Variants in SLC4A10 observed in about 807,000 individuals in gnomAD.
SLC4A10 encodes sodium-driven chloride bicarbonate exchanger.
Under a neutral mutation model 137.7 loss-of-function variants are expected in SLC4A10, and 42 were observed. That is an observed-to-expected ratio of 0.30 (90% CI 0.24 to 0.39). The LOEUF is 0.39. Ranked by LOEUF, SLC4A10 falls within the 10% of genes least tolerant of loss-of-function variation. The probability of loss-of-function intolerance (pLI) is 1.00; values close to 1 mark genes in which losing one functional copy is unlikely to be tolerated. For synonymous variants in SLC4A10, 474 were observed against 464.1 expected, an observed-to-expected ratio of 1.02 and a Z score of -0.27; for missense variants, 925 against 1,355.0, an observed-to-expected ratio of 0.68 and a Z score of 4.98.
At chr2:161,897,273 T>C (rs1441150499) in intron 11 of SLC4A10, among the ~76,000 whole-genome samples, 1 of 152,126 alleles carries the variant, frequency 6.6e-6, no homozygotes, top group Admixed American at 6.6e-5. Context: ...ACCAAATATT[T>C]GTTAAGCTCA....
At chr2:161,876,728 G>T (rs1178047535) in intron 8 of SLC4A10, among the ~76,000 whole-genome samples, 1 of 152,070 alleles carries the variant, frequency 6.6e-6, no homozygotes, top group African/African-American at 2.4e-5. Context: ...TGTCAAATAA[G>T]TTTCTTCATG....
At chr2:161,676,010 A>G (rs1158463) in intron 1 of SLC4A10, among the ~76,000 whole-genome samples, 139,564 of 152,218 alleles carry the variant, frequency 0.92, 64,068 homozygotes, top group East Asian at 1. Context: ...CTTGGAAAAC[A>G]CCATTTATGC....
At chr2:161,685,299 G>A (rs2041263329) in intron 1 of SLC4A10, among the ~76,000 whole-genome samples, 1 of 152,056 alleles carries the variant, frequency 6.6e-6, no homozygotes, top group African/African-American at 2.4e-5. Flanking sequence ...GAGGTATGTT[G>A]CCATTACCAT....
chr2:161,866,495 T>G (rs2060760212), intron 6 of SLC4A10, among the ~76,000 whole-genome samples: 1 of 152,016 alleles, frequency 6.6e-6, no homozygotes, highest in South Asian at 2.1e-4. Context: ...CCATGCTGTG[T>G]TTAACTTTCA....
intron 3 of SLC4A10, among the ~76,000 whole-genome samples, chr2:161,834,405 G>C (rs2058630616): frequency 6.6e-6 from 1 of 152,092 alleles, no homozygotes; most frequent in South Asian, 2.1e-4. Flanking sequence ...TGAAATTATA[G>C]CTACCGGAAT....
chr2:161,821,780 T>G (rs1402309173), intron 3 of SLC4A10, among the ~76,000 whole-genome samples: 1 of 151,708 alleles, frequency 6.6e-6, no homozygotes, highest in African/African-American at 2.4e-5. Flanking sequence ...TATTGAAACA[T>G]AATCTTAATC....
intron 3 of SLC4A10, among the ~76,000 whole-genome samples, chr2:161,810,888 G>A (rs1232568732): frequency 6.6e-6 from 1 of 151,960 alleles, no homozygotes; most frequent in South Asian, 2.1e-4. Context: ...TAATATGTTA[G>A]TGAGAAGCCT....
rs563255155 is a variant in SLC4A10 at position 161,833,767 on chromosome 2, T to A, written c.278-6022T>A. On this transcript the variant is annotated intron_variant, in intron 3 of 26. Transcript: ENST00000446997. ...CCAAAGCCATACAACAATTGGCTGA[T>A]AATCAAGGTATGTGATAGACCTTCC... 4.6e-5 allele frequency among the ~76,000 whole-genome samples: 7 copies of A among 152,354 alleles called. No individual in the cohort carries two copies. In the South Asian group the frequency reaches 1.2e-3, roughly 27 times the overall value.
chr2:161,785,177 G>A (rs747557884), intron 2 of SLC4A10, among the ~76,000 whole-genome samples: 5 of 151,444 alleles, frequency 3.3e-5, no homozygotes, highest in African/African-American at 7.3e-5. Context: ...TACCAAACAC[G>A]AAACAAGAAG....
Position 161,851,327 on chromosome 2 carries a change from A to T in SLC4A10, c.417-3643A>T, listed in dbSNP as rs76315083. On this transcript the variant is annotated intron_variant, in intron 4 of 26. Coordinates refer to ENST00000446997, the MANE Select transcript of SLC4A10 (RefSeq NM_001178015.2). ...CAGTAGGGTGTTGAAGTCTTCCATGATTATATTGCCATTATCTAAGTCTCT... is the reference window on the plus strand; with the variant it reads ...CAGTAGGGTGTTGAAGTCTTCCATGTTTATATTGCCATTATCTAAGTCTCT... Among the ~76,000 whole-genome samples, 1,171 of 152,242 alleles carry T rather than the reference A, an allele frequency of 7.7e-3. 58 individuals carry two copies. The East Asian group carries it at 0.13, about 17-fold the overall frequency.
chr2:161,694,617 C>T, intron 1 of SLC4A10, among the ~76,000 whole-genome samples: 1 of 151,946 alleles, frequency 6.6e-6, no homozygotes, highest in East Asian at 1.9e-4. Context: ...AAGGGCATAA[C>T]AAACTATTAT....
chr2:161,843,444 T>C (rs2059310283), intron 4 of SLC4A10, among the ~76,000 whole-genome samples: 1 of 152,164 alleles, frequency 6.6e-6, no homozygotes, highest in African/African-American at 2.4e-5. Context: ...TAGCCAAGCT[T>C]CTAGAATCTA....
chr2:161,699,423 A>G (rs1245439233), intron 1 of SLC4A10, among the ~76,000 whole-genome samples: 2 of 152,136 alleles, frequency 1.3e-5, no homozygotes, highest in African/African-American at 4.8e-5. Flanking sequence ...ATATGTTTTG[A>G]GTTTTGAAAT....
intron 23 of SLC4A10, among the ~76,000 whole-genome samples, chr2:161,966,219 C>A (rs1222356444): frequency 2.0e-5 from 3 of 152,008 alleles, no homozygotes; most frequent in Admixed American, 2.0e-4. Context: ...ATTGGTAATT[C>A]CCTTACTCTA....
chr2:161,707,653 G>T (rs2043833058), intron 1 of SLC4A10, among the ~76,000 whole-genome samples: 10 of 151,312 alleles, frequency 6.6e-5, no homozygotes, highest in Admixed American at 6.0e-4. Context: ...TAATAAATAA[G>T]ACACAGTGAA....
chr2:161,695,917 TA>T (rs1363159024), intron 1 of SLC4A10, among the ~76,000 whole-genome samples: 5 of 152,194 alleles, frequency 3.3e-5, no homozygotes, highest in Admixed American at 6.5e-5. Flanking sequence ...TTTTCTTTTT[TA>T]TTTTTTTATT....
At chr2:161,971,452 A>G (rs1245764094) in intron 23 of SLC4A10, among the ~76,000 whole-genome samples, 1 of 152,224 alleles carries the variant, frequency 6.6e-6, no homozygotes, top group African/African-American at 2.4e-5. Flanking sequence ...TCCCTGTAAC[A>G]TCTTCCCCAT....
intron 1 of SLC4A10, among the ~76,000 whole-genome samples, chr2:161,735,169 T>C (rs1423933532): frequency 6.7e-6 from 1 of 148,766 alleles, no homozygotes; most frequent in Non-Finnish European, 1.5e-5. Flanking sequence ...AATATACATA[T>C]ATTAATTAAA....
chr2:161,861,375 G>A (rs1009353268), intron 5 of SLC4A10, among the ~76,000 whole-genome samples: 1 of 152,136 alleles, frequency 6.6e-6, no homozygotes, highest in Non-Finnish European at 1.5e-5. Context: ...CCTTGTTGCT[G>A]CTGGAAGCCA....
Sources: allele counts gnomAD v4.1 joint callset (sites outside exome capture counted in the v4.1 genomes callset), GRCh38; gene constraint gnomAD v4.1.1; transcripts MANE v1.5; gene names NCBI Gene and HGNC (gene_info 2026-07-23, HGNC 2026-07-21).